Variants in RPTOR observed in about 807,000 individuals in gnomAD.
The protein encoded by RPTOR is regulatory-associated protein of mTOR.
Under a neutral mutation model 169.9 loss-of-function variants are expected in RPTOR, and 21 were observed. That is an observed-to-expected ratio of 0.12 (90% CI 0.09 to 0.18). The LOEUF is 0.18. Ranked by LOEUF, RPTOR falls within the 10% of genes least tolerant of loss-of-function variation. The pLI, the probability that RPTOR is intolerant of heterozygous loss-of-function variation, is 1.00. For missense variants in RPTOR, 1,133 were observed against 1,855.9 expected (o/e 0.61, Z 7.16); for synonymous variants, 732 against 753.2 (o/e 0.97, Z 0.46).
intron 1 of RPTOR, among the ~76,000 whole-genome samples, chr17:80,578,686 A>G (rs990332165): frequency 2.0e-5 from 3 of 152,196 alleles, no homozygotes; most frequent in Non-Finnish European, 4.4e-5. Flanking sequence ...TACAGGAGGC[A>G]GGTGCTGCTG....
chr17:80,961,025 G>A (rs1317405736), intron 30 of RPTOR: 1 of 295,444 alleles, frequency 3.4e-6, no homozygotes, highest in African/African-American at 2.1e-5. Context: ...ACAGATCGGG[G>A]AGACACAATG....
At chr17:80,949,873 C>T (rs978766313) in intron 28 of RPTOR, among the ~76,000 whole-genome samples, 7 of 152,270 alleles carry the variant, frequency 4.6e-5, no homozygotes, top group Admixed American at 2.6e-4. Flanking sequence ...GCCCGCATCA[C>T]GGGGTCCTTC....
chr17:80,717,693 A>G (rs2066251263), intron 4 of RPTOR, among the ~76,000 whole-genome samples: 1 of 152,232 alleles, frequency 6.6e-6, no homozygotes, highest in South Asian at 2.1e-4. Context: ...TGTAAGATTT[A>G]AAAACATTTA....
chr17:80,718,642 C>G (rs554307502), intron 4 of RPTOR, among the ~76,000 whole-genome samples: 14 of 152,240 alleles, frequency 9.2e-5, no homozygotes, highest in African/African-American at 3.4e-4. Flanking sequence ...ACAGTTGTCC[C>G]TGAGAGGGGA....
rs1380949937 is a variant in RPTOR at position 80,962,991 on chromosome 17, G to A, written c.3873G>A (p.Lys1291=). 1.9e-6 allele frequency: 3 copies of A among 1,613,030 alleles called. No homozygotes were observed. Among genetic ancestry groups the A allele is most frequent in the African/African-American group, 1.3e-5 (1 of 74,838 alleles). Residue 1291 remains lysine, a synonymous_variant, in exon 33 of 34, where the codon AAG becomes AAA. Transcript: ENST00000306801. ...GCGGAGAGCTCATCAACAACATCAA[G>A]TACTACGACGGCTTCATGGGCCAGC... ...NSSGELINNI[K]YYDGFMGQRV...
Position 80,822,307 on chromosome 17 carries a change from G to A in RPTOR, c.991+6G>A. On this transcript the variant is annotated splice_donor_region_variant and intron_variant, in intron 8 of 33. Coordinates refer to ENST00000306801, the MANE Select transcript of RPTOR (RefSeq NM_020761.3). Reference sequence around the variant, plus strand: ...GTGGAACGTGCTCCCCCGGGGTGAGGCGCGGGCCGGGCCTTGGGGAGGGAG... The same window carrying A: ...GTGGAACGTGCTCCCCCGGGGTGAGACGCGGGCCGGGCCTTGGGGAGGGAG... 1 of 1,613,720 alleles carries A rather than the reference G, an allele frequency of 6.2e-7. No homozygotes were observed. Among genetic ancestry groups the A allele is most frequent in the Non-Finnish European group, 8.5e-7 (1 of 1,179,732 alleles).
chr17:80,892,337 G>T lies in RPTOR; in HGVS notation c.2102-392G>T, dbSNP rs190130050. On this transcript the variant is annotated intron_variant, in intron 18 of 33. Coordinates refer to ENST00000306801, the MANE Select transcript of RPTOR (RefSeq NM_020761.3). The stretch of plus-strand genomic sequence containing the variant: ...TTGTCATCAGCAGTGAGGCCTCACT[G>T]CTTCTAGGAAGCCCAGGAGGGGAGA... 2.0e-4 allele frequency among the ~76,000 whole-genome samples: 30 copies of T among 152,248 alleles called. No homozygotes were observed. In the East Asian group the frequency reaches 5.2e-3, roughly 26 times the overall value.
rs566104685 is a variant in RPTOR at position 80,965,356 on chromosome 17, G to A, written c.*1026G>A. ...ACTGCCGGGTCCCGGACGGCTCCGG[G>A]TGACACCAGCCCCGTCTCCAGCCTT... On this transcript the variant is annotated 3_prime_UTR_variant, in exon 34 of 34. Coordinates refer to ENST00000306801, the MANE Select transcript of RPTOR (RefSeq NM_020761.3). The A allele has an allele frequency of 6.0e-5, 14 of 233,384 alleles. No individual in the cohort carries two copies. Among genetic ancestry groups the A allele is most frequent in the Admixed American group, 2.8e-4 (5 of 17,808 alleles). 14.5% of individuals were successfully genotyped at this position (233,384 alleles called of 1,614,324 possible).
intron 6 of RPTOR, among the ~76,000 whole-genome samples, chr17:80,786,638 G>T (rs983617900): frequency 2.0e-5 from 3 of 152,184 alleles, no homozygotes. Flanking sequence ...GCAGCAGCTG[G>T]ATTGGCTACC....
intron 7 of RPTOR, among the ~76,000 whole-genome samples, chr17:80,794,505 G>T (rs1209043447): frequency 6.6e-6 from 1 of 152,194 alleles, no homozygotes; most frequent in Admixed American, 6.5e-5. Context: ...AGAACTGTCG[G>T]TTTCTCATAA....
intron 1 of RPTOR, among the ~76,000 whole-genome samples, chr17:80,613,667 G>A (rs988548255): frequency 7.9e-5 from 12 of 151,900 alleles, no homozygotes; most frequent in African/African-American, 2.4e-4. Context: ...GCTGGGCCGC[G>A]TGTTGTGTGG....
chr17:80,586,000 G>T (rs1157633628), intron 1 of RPTOR, among the ~76,000 whole-genome samples: 1 of 152,108 alleles, frequency 6.6e-6, no homozygotes, highest in Non-Finnish European at 1.5e-5. Context: ...CCCGTTCTCA[G>T]TGGTGGCCGT....
chr17:80,698,889 C>T (rs533667487), intron 3 of RPTOR, among the ~76,000 whole-genome samples: 2 of 152,340 alleles, frequency 1.3e-5, no homozygotes, highest in Admixed American at 6.5e-5. Flanking sequence ...GAAACCCAGG[C>T]GAGCCTGCTG....
intron 18 of RPTOR, among the ~76,000 whole-genome samples, 172 bp downstream of exon 18, chr17:80,892,009 G>T (rs2068331167): frequency 6.6e-6 from 1 of 152,146 alleles, no homozygotes. Context: ...ATTTAAAAGG[G>T]CAGGAAAGAG....
In RPTOR at chr17:80,823,424, C is replaced by CT. The variant is rs2067404342; in HGVS notation, c.1136+203dup. On this transcript the variant is annotated intron_variant, in intron 9 of 33. Coordinates refer to ENST00000306801, the MANE Select transcript of RPTOR (RefSeq NM_020761.3). The surrounding 1 kb of genome is among the most constrained non-coding windows in gnomAD (Gnocchi z 4.5). ...GGGGTCTCCTTCAGAGGGCAGAAGC[C>CT]TTGGAGGGCCTTTTAGGACTGCACG... The CT allele has an allele frequency of 3.2e-6, 2 of 623,996 alleles. No individual in the cohort carries two copies. Among genetic ancestry groups the CT allele is most frequent in the African/African-American group, 1.8e-5 (1 of 54,460 alleles). 38.7% of individuals were successfully genotyped at this position (623,996 alleles called of 1,614,324 possible).
rs1053730769 is a variant in RPTOR at position 80,947,104 on chromosome 17, G to A, written c.3141-123G>A. 16 of 955,682 alleles carry A rather than the reference G, an allele frequency of 1.7e-5. No individual in the cohort carries two copies. Among genetic ancestry groups the A allele is most frequent in the Middle Eastern group, 3.3e-4 (1 of 3,040 alleles). The allele number at this position is 955,682 out of a possible 1,614,324, so 59.2% of individuals were successfully genotyped here. Reference sequence around the variant, plus strand: ...GTAGCTAGGATGACAGGTGTGAGCCGCCGTGCCCGGCTGTGGTGTGTGGTT... The same window carrying A: ...GTAGCTAGGATGACAGGTGTGAGCCACCGTGCCCGGCTGTGGTGTGTGGTT... On this transcript the variant is annotated intron_variant, in intron 26 of 33. Transcript: ENST00000306801. This position sits in a 1 kb window ranked among gnomAD's most constrained non-coding sequence, Gnocchi z 4.4.
chr17:80,764,387 C>G (rs948765884), intron 6 of RPTOR, among the ~76,000 whole-genome samples: 11 of 147,858 alleles, frequency 7.4e-5, no homozygotes, highest in African/African-American at 2.8e-4. Context: ...GTTCAGTTCC[C>G]ACCTATGAGT....
chr17:80,560,756 C>G (rs1252798363), intron 1 of RPTOR, among the ~76,000 whole-genome samples: 1 of 152,224 alleles, frequency 6.6e-6, no homozygotes, highest in Non-Finnish European at 1.5e-5. Flanking sequence ...CACACTGCCA[C>G]TCCCCAGCAC....
intron 1 of RPTOR, among the ~76,000 whole-genome samples, chr17:80,588,073 T>G (rs972468576): frequency 2.0e-5 from 3 of 152,202 alleles, no homozygotes; most frequent in Non-Finnish European, 4.4e-5. Context: ...TCCTGGTTCA[T>G]CCATGTTGTT....
Sources: gnomAD v4.1 joint callset for allele counts (sites outside exome capture counted in the v4.1 genomes callset) on GRCh38, gnomAD v4.1.1 for gene constraint, Gnocchi (gnomAD v3.1) non-coding constraint, MANE v1.5 for transcripts, NCBI Gene and HGNC (gene_info 2026-07-23, HGNC 2026-07-21) for gene names.